CADM2: variants seen among roughly 807,000 people sequenced by gnomAD.
The protein encoded by CADM2 is immunoglobulin superfamily member 4D.
A neutral mutation model predicts 49.8 loss-of-function variants in CADM2; 12 were observed. The ratio of observed to expected loss-of-function variants is 0.24; its 90% confidence interval spans 0.15 to 0.39. The LOEUF (loss-of-function observed/expected upper bound fraction) is 0.39, where lower values mean the gene tolerates loss of function less well. CADM2 is among the 10% of genes least tolerant of loss of function. The pLI is 1.00. For synonymous variants in CADM2, 214 were observed against 175.4 expected (o/e 1.22, Z -1.74); for missense variants, 378 against 492.3 (o/e 0.77, Z 2.20).
chr3:85,023,482 A>T (rs2107299969), intron 1 of CADM2, among the ~76,000 whole-genome samples: 1 of 152,076 alleles, frequency 6.6e-6, no homozygotes, highest in Non-Finnish European at 1.5e-5. Context: ...TTTTCCCAGT[A>T]GGTTTATTAC....
chr3:85,742,900 C>T (rs1246107554), intron 2 of CADM2, among the ~76,000 whole-genome samples: 3 of 152,156 alleles, frequency 2.0e-5, no homozygotes, highest in African/African-American at 7.2e-5. Flanking sequence ...GAATATATTT[C>T]AACTGAGATT....
At chr3:85,649,065 C>T (rs1489229373) in intron 1 of CADM2, among the ~76,000 whole-genome samples, 4 of 151,968 alleles carry the variant, frequency 2.6e-5, no homozygotes, top group African/African-American at 9.7e-5. Flanking sequence ...GATATAACAT[C>T]CTTTTCTATG....
At chr3:85,584,714 A>G (rs770413489) in intron 1 of CADM2, among the ~76,000 whole-genome samples, 1 of 152,034 alleles carries the variant, frequency 6.6e-6, no homozygotes, top group Non-Finnish European at 1.5e-5. Flanking sequence ...GAAGCACAAT[A>G]TTTTTAATTT....
At chr3:85,602,595 G>T (rs1454022957) in intron 1 of CADM2, among the ~76,000 whole-genome samples, 2 of 151,670 alleles carry the variant, frequency 1.3e-5, no homozygotes, top group Admixed American at 6.6e-5. Flanking sequence ...TAGTGTGGTT[G>T]CTGGGCATGT....
rs377750827 is a variant in CADM2 at position 85,012,686 on chromosome 3, T to C, written c.61+53018T>C. ...AAAGAAAATATAAAGTCCAGCTTTC[T>C]GCTAATGAAGATATTCCATATTTAT... is the stretch of plus-strand genomic sequence containing the variant. On this transcript the variant is annotated intron_variant, in intron 1 of 9. Coordinates refer to ENST00000383699, the MANE Select transcript of CADM2 (RefSeq NM_001167675.2). Among the ~76,000 whole-genome samples, 11 of 151,174 alleles carry C rather than the reference T, an allele frequency of 7.3e-5. 1 individual carries two copies. In the East Asian group the frequency reaches 1.9e-3, roughly 27 times the overall value.
chr3:85,482,903 G>A (rs2039271875), intron 1 of CADM2, among the ~76,000 whole-genome samples: 1 of 151,348 alleles, frequency 6.6e-6, no homozygotes. Flanking sequence ...TATGTATGTT[G>A]TAGCAAGCTT....
intron 1 of CADM2, among the ~76,000 whole-genome samples, chr3:85,197,781 T>G (rs530934730): frequency 1.3e-5 from 2 of 152,084 alleles, no homozygotes; most frequent in South Asian, 2.1e-4. Context: ...TGATGCTGCT[T>G]GTATTTTTAC....
chr3:85,218,184 T>G (rs546738137), intron 1 of CADM2, among the ~76,000 whole-genome samples: 195 of 152,216 alleles, frequency 1.3e-3, no homozygotes, highest in African/African-American at 4.2e-3. Flanking sequence ...GTGGAAATTG[T>G]GTACTAGCTT....
At chr3:85,344,350 C>T (rs920010316) in intron 1 of CADM2, among the ~76,000 whole-genome samples, 4 of 151,394 alleles carry the variant, frequency 2.6e-5, no homozygotes, top group African/African-American at 9.7e-5. Context: ...CACTGCACTC[C>T]AGCCCAGCGA....
At chr3:85,944,780 G>T (rs1432349426) in intron 7 of CADM2, among the ~76,000 whole-genome samples, 1 of 152,016 alleles carries the variant, frequency 6.6e-6, no homozygotes, top group Non-Finnish European at 1.5e-5. Flanking sequence ...TAAAACATGT[G>T]TGTAGAGGGA....
chr3:85,134,198 G>T (rs2039339045), intron 1 of CADM2, among the ~76,000 whole-genome samples: 2 of 152,226 alleles, frequency 1.3e-5, no homozygotes, highest in South Asian at 4.1e-4. Context: ...ACTCCAGCTG[G>T]CCCGCAAGCG....
At chr3:85,613,934 C>T (rs184272692) in intron 1 of CADM2, among the ~76,000 whole-genome samples, 124 of 151,454 alleles carry the variant, frequency 8.2e-4, no homozygotes, top group Non-Finnish European at 1.4e-3. Flanking sequence ...AATGACGGAA[C>T]GGTAGTTTTG....
chr3:85,604,058 C>T (rs2063486775), intron 1 of CADM2, among the ~76,000 whole-genome samples: 1 of 151,876 alleles, frequency 6.6e-6, no homozygotes, highest in Non-Finnish European at 1.5e-5. Flanking sequence ...TGTTGTTTTA[C>T]TTTTGTTTCT....
chr3:85,360,907 A>G (rs995331466), intron 1 of CADM2, among the ~76,000 whole-genome samples: 3 of 152,298 alleles, frequency 2.0e-5, no homozygotes, highest in South Asian at 2.1e-4. Flanking sequence ...AACCATCAGC[A>G]GTGTGGCATC....
intron 1 of CADM2, among the ~76,000 whole-genome samples, chr3:85,260,602 T>C (rs2042994818): frequency 1.3e-5 from 2 of 152,150 alleles, no homozygotes; most frequent in Non-Finnish European, 2.9e-5. Context: ...TGGTTCACAG[T>C]TGGTTTTCCA....
chr3:84,987,952 C>G (rs1300092182), intron 1 of CADM2, among the ~76,000 whole-genome samples: 1 of 152,178 alleles, frequency 6.6e-6, no homozygotes, highest in South Asian at 2.1e-4. Context: ...TTACTGAACA[C>G]AGCCCTCGTA....
At position 85,874,104 on chromosome 3, in the gene CADM2, TAC is replaced by T. The variant is rs561365502; in HGVS notation, c.239-9185_239-9184del. Among the ~76,000 whole-genome samples, 10 of 152,310 alleles carry T rather than the reference TAC, an allele frequency of 6.6e-5. No individual in the cohort carries two copies. In the South Asian group the frequency reaches 2.1e-3, roughly 32 times the overall value. On this transcript the variant is annotated intron_variant, in intron 3 of 9. Coordinates refer to ENST00000383699, the MANE Select transcript of CADM2 (RefSeq NM_001167675.2). The stretch of plus-strand genomic sequence containing the variant: ...ATAAAAGAGAACAGTTTCTTAATTG[TAC>T]AACAAGTGCCTGGATTTTCAGTTTG...
intron 7 of CADM2, among the ~76,000 whole-genome samples, chr3:85,959,909 C>A (rs1724607689): frequency 1.3e-5 from 2 of 151,954 alleles, no homozygotes; most frequent in South Asian, 4.2e-4. Flanking sequence ...ATTTCTCAGG[C>A]TATATCCTCA....
chr3:85,443,116 T>A (rs978699532), intron 1 of CADM2, among the ~76,000 whole-genome samples: 4 of 152,054 alleles, frequency 2.6e-5, no homozygotes, highest in Admixed American at 2.6e-4. Flanking sequence ...AATAAACGGG[T>A]TGATTTCAGA....
Sources: gnomAD v4.1 joint callset for allele counts (sites outside exome capture counted in the v4.1 genomes callset) on GRCh38, gnomAD v4.1.1 for gene constraint, MANE v1.5 for transcripts, NCBI Gene and HGNC (gene_info 2026-07-23, HGNC 2026-07-21) for gene names.